TBC1D4: variants seen among roughly 807,000 people sequenced by gnomAD.
TBC1D4 encodes the protein TBC (Tre-2, BUB2, CDC16) domain-containing protein.
Under a neutral mutation model 142.5 loss-of-function variants are expected in TBC1D4, and 121 were observed. The ratio of observed to expected loss-of-function variants is 0.85; its 90% CI spans 0.73 to 0.99. The LOEUF is 0.99. TBC1D4 is among the 50% of genes least tolerant of loss of function. TBC1D4 has a pLI of 0.00. For synonymous variants in TBC1D4, 630 were observed against 628.2 expected (o/e 1.00, Z -0.04); for missense variants, 1,475 against 1,606.6 (o/e 0.92, Z 1.40).
At chr13:75,475,672 C>T (rs569336988) in intron 1 of TBC1D4, among the ~76,000 whole-genome samples, 2 of 152,294 alleles carry the variant, frequency 1.3e-5, no homozygotes, top group African/African-American at 4.8e-5. Flanking sequence ...TCATCAGTTT[C>T]CTCACCAAGC....
chr13:75,392,589 TCCTC>T (rs1884546059), intron 1 of TBC1D4, among the ~76,000 whole-genome samples: 1 of 151,718 alleles, frequency 6.6e-6, no homozygotes, highest in African/African-American at 2.4e-5. Context: ...TTTCCGTTCT[TCCTC>T]CCCCTCCCCT....
intron 1 of TBC1D4, among the ~76,000 whole-genome samples, chr13:75,368,489 T>C (rs1198568467): frequency 1.3e-5 from 2 of 152,346 alleles, no homozygotes; most frequent in East Asian, 1.9e-4. Flanking sequence ...AACCCATTTA[T>C]GGTTCAGCTC....
chr13:75,462,857 A>T (rs1316443260), intron 1 of TBC1D4, among the ~76,000 whole-genome samples: 1 of 152,000 alleles, frequency 6.6e-6, no homozygotes, highest in African/African-American at 2.4e-5. Flanking sequence ...GCTCATAATT[A>T]TGCTTCAGTG....
At chr13:75,356,651 A>C (rs915340093) in intron 3 of TBC1D4, among the ~76,000 whole-genome samples, 2 of 152,178 alleles carry the variant, frequency 1.3e-5, no homozygotes, top group Admixed American at 1.3e-4. Context: ...TCTGAGAAAA[A>C]CTAATACTGA....
intron 19 of TBC1D4, 26 bp downstream of exon 19, chr13:75,292,076 T>C: frequency 6.3e-7 from 1 of 1,581,090 alleles, no homozygotes; most frequent in Non-Finnish European, 8.7e-7. Context: ...AACTGCTATA[T>C]AATACTATTA....
intron 1 of TBC1D4, among the ~76,000 whole-genome samples, chr13:75,404,063 T>TACACACACACAC (rs1345766063): frequency 0.023 from 3,412 of 149,042 alleles, 63 homozygotes; most frequent in African/African-American, 0.027. Flanking sequence ...TATATATACA[T>TACACACACACAC]ACACACACAC....
At chr13:75,323,935 T>C (rs892721010) in intron 11 of TBC1D4, among the ~76,000 whole-genome samples, 1 of 151,956 alleles carries the variant, frequency 6.6e-6, no homozygotes, top group Admixed American at 6.6e-5. Context: ...TATGTTAGCA[T>C]CAGTTGTGCT....
intron 16 of TBC1D4, among the ~76,000 whole-genome samples, chr13:75,300,873 G>A (rs909267149): frequency 6.6e-6 from 1 of 152,180 alleles, no homozygotes; most frequent in Non-Finnish European, 1.5e-5. Flanking sequence ...ACTTAGTAGA[G>A]AGGATGGACG....
At chr13:75,467,883 G>T (rs750356552) in intron 1 of TBC1D4, among the ~76,000 whole-genome samples, 2 of 151,982 alleles carry the variant, frequency 1.3e-5, no homozygotes, top group Non-Finnish European at 2.9e-5. Flanking sequence ...TGCTGTTTTC[G>T]CAAATAAAGA....
chr13:75,481,332 G>C lies in TBC1D4; in HGVS notation c.436C>G (p.Gln146Glu). 3 of 1,613,938 alleles carry C rather than the reference G, an allele frequency of 1.9e-6. No individual in the cohort carries two copies. Among genetic ancestry groups the C allele is most frequent in the Non-Finnish European group, 2.5e-6 (3 of 1,179,838 alleles). ...LTYFAYLIKA[Q>E]PDDPESQMAC... The stretch of plus-strand genomic sequence containing the variant: ...ATCTGCGACTCGGGGTCGTCGGGCT[G>C]CGCCTTGATCAGGTAGGCAAAGTAG... The change falls in exon 1 of 21, where the codon CAG becomes GAG. Residue 146 changes from glutamine to glutamate, a missense_variant. Around this residue, in one of 2 missense-constraint regions of TBC1D4, gnomAD observed 1,227 missense variants for 1,267.7 expected, o/e 0.97. Transcript: ENST00000377636.
intron 1 of TBC1D4, among the ~76,000 whole-genome samples, chr13:75,445,153 C>A (rs892542197): frequency 1.3e-5 from 2 of 152,102 alleles, no homozygotes; most frequent in African/African-American, 4.8e-5. Context: ...AATAATATCA[C>A]GCAGACACCA....
intron 1 of TBC1D4, among the ~76,000 whole-genome samples, chr13:75,436,500 A>G (rs1328371118): frequency 1.4e-4 from 21 of 151,992 alleles, no homozygotes; most frequent in Admixed American, 1.4e-3. Flanking sequence ...TACAAAAAAT[A>G]CAAAAATTAA....
At chr13:75,402,868 A>C (rs1356263227) in intron 1 of TBC1D4, among the ~76,000 whole-genome samples, 1 of 152,202 alleles carries the variant, frequency 6.6e-6, no homozygotes, top group African/African-American at 2.4e-5. Flanking sequence ...CAAAAAGCAA[A>C]AATAGAGCTC....
At chr13:75,402,515 A>T (rs1480485949) in intron 1 of TBC1D4, among the ~76,000 whole-genome samples, 2 of 152,218 alleles carry the variant, frequency 1.3e-5, no homozygotes, top group African/African-American at 4.8e-5. Context: ...AAAAAGGATA[A>T]GAAATTTTAA....
At chr13:75,458,142 C>G (rs1250177344) in intron 1 of TBC1D4, among the ~76,000 whole-genome samples, 1 of 152,100 alleles carries the variant, frequency 6.6e-6, no homozygotes, top group African/African-American at 2.4e-5. Context: ...AATCAGGTCA[C>G]TCGGACTTGA....
At chr13:75,420,548 G>A (rs915067993) in intron 1 of TBC1D4, among the ~76,000 whole-genome samples, 2 of 152,158 alleles carry the variant, frequency 1.3e-5, no homozygotes, top group African/African-American at 2.4e-5. Context: ...AAATAAGCAC[G>A]AAATTTACAA....
intron 5 of TBC1D4, among the ~76,000 whole-genome samples, chr13:75,345,686 A>G (rs1211175245): frequency 6.6e-6 from 1 of 151,836 alleles, no homozygotes; most frequent in Non-Finnish European, 1.5e-5. Context: ...TGAGCTCAGG[A>G]GTTTGAGACC....
intron 18 of TBC1D4, among the ~76,000 whole-genome samples, chr13:75,294,134 A>G (rs918032177): frequency 2.8e-4 from 42 of 152,320 alleles, no homozygotes; most frequent in African/African-American, 9.4e-4. Context: ...TGCTTTTTAA[A>G]TAACAGACTT....
chr13:75,441,074 G>C (rs1013163651), intron 1 of TBC1D4, among the ~76,000 whole-genome samples: 8 of 152,116 alleles, frequency 5.3e-5, no homozygotes, highest in Non-Finnish European at 1.2e-4. Flanking sequence ...GGCCAACATA[G>C]TGAAATACCG....
Sources: gnomAD v4.1 joint callset for allele counts (sites outside exome capture counted in the v4.1 genomes callset) on GRCh38, gnomAD v4.1.1 for gene constraint, gnomAD v4.1.1 regional missense constraint, MANE v1.5 for transcripts, NCBI Gene and HGNC (gene_info 2026-07-23, HGNC 2026-07-21) for gene names.